Variants in GDI2 observed in about 807,000 individuals in gnomAD.
GDI2 encodes the protein rab GDP dissociation inhibitor beta.
GDI2 carries 22 observed loss-of-function variants against 54.2 expected under a neutral mutation model. The observed-to-expected ratio is 0.41, with a 90% CI of 0.29 to 0.58. GDI2 has a LOEUF of 0.58. Ranked by LOEUF, GDI2 falls within the 20% of genes least tolerant of loss-of-function variation. The probability of loss-of-function intolerance (pLI) is 0.35; values close to 1 mark genes in which losing one functional copy is unlikely to be tolerated. For synonymous variants in GDI2, 177 were observed against 182.1 expected (o/e 0.97, Z 0.23); for missense variants, 422 against 546.0 (o/e 0.77, Z 2.26).
At chr10:5,767,145 G>A (rs1840360581) in intron 8 of GDI2, among the ~76,000 whole-genome samples, 1 of 151,814 alleles carries the variant, frequency 6.6e-6, no homozygotes, top group African/African-American at 2.4e-5. Context: ...AGTTAACTGT[G>A]TCATTTCCAG....
chr10:5,773,959 T>A lies in GDI2; in HGVS notation c.720-18A>T. On this transcript the variant is annotated intron_variant, in intron 6 of 10. Coordinates refer to ENST00000380191, the MANE Select transcript of GDI2 (RefSeq NM_001494.4). ...CACTTAGCCTGGAAAATTTTTAAAA[T>A]CCCAATTAATAATATATAGTTGTTT... is the stretch of plus-strand genomic sequence containing the variant. 9.7e-7 allele frequency: 1 copy of A among 1,027,816 alleles called. No homozygotes were observed. The allele number at this position is 1,027,816 out of a possible 1,614,324, so 63.7% of individuals were successfully genotyped here.
intron 6 of GDI2, among the ~76,000 whole-genome samples, chr10:5,781,144 T>G (rs554930287): frequency 6.7e-6 from 1 of 148,956 alleles, no homozygotes; most frequent in African/African-American, 2.5e-5. Context: ...TTCCAACAAA[T>G]GCAGCTAAAA....
Position 5,794,881 on chromosome 10 carries a change from T to A in GDI2, c.388+4A>T. 1 of 1,589,910 alleles carries A rather than the reference T, an allele frequency of 6.3e-7. No individual in the cohort carries two copies. The highest frequency in any genetic ancestry group is 2.2e-5 in the East Asian group (1 of 44,762). The stretch of plus-strand genomic sequence containing the variant: ...TAGTTACTAGAGAAAATAAAACTAC[T>A]TACTAGATGCCAGGGCTTCTGCTTC... On this transcript the variant is annotated splice_donor_region_variant and intron_variant, in intron 4 of 10. Coordinates refer to ENST00000380191, the MANE Select transcript of GDI2 (RefSeq NM_001494.4).
At position 5,776,671 on chromosome 10, in the gene GDI2, A is replaced by G; in HGVS notation, c.720-2730T>C. On this transcript the variant is annotated intron_variant, in intron 6 of 10. Transcript: ENST00000380191. The surrounding 1 kb of genome is among the most constrained non-coding windows in gnomAD (Gnocchi z 5.3). ...TGGATGTAGATGCTGATTTTGTAGA[A>G]AAGTCAGAGTTATGGAGCTTGCCGC... 6.8e-7 allele frequency: 1 copy of G among 1,471,358 alleles called. No individual in the cohort carries two copies. The highest frequency in any genetic ancestry group is 9.5e-7 in the Non-Finnish European group (1 of 1,056,372). 91.1% of individuals were successfully genotyped at this position (1,471,358 alleles called of 1,614,324 possible). A position where few individuals can be genotyped will look rare whatever the true frequency, so the allele number is the denominator to read the frequency against.
At chr10:5,779,432 C>A (rs141069797) in intron 6 of GDI2, among the ~76,000 whole-genome samples, 1 of 151,236 alleles carries the variant, frequency 6.6e-6, no homozygotes, top group Non-Finnish European at 1.5e-5. Flanking sequence ...CGCTTGAACC[C>A]GGGAGGCAGA....
chr10:5,766,202 G>A lies in GDI2; in HGVS notation c.1191+39C>T. ...TAAGACCATGGAGGGATGTCTTCCAGTGAAACCTGCCCATATCCTTTCACA... is the reference window on the plus strand; with the variant it reads ...TAAGACCATGGAGGGATGTCTTCCAATGAAACCTGCCCATATCCTTTCACA... On this transcript the variant is annotated intron_variant, in intron 10 of 10. Coordinates refer to ENST00000380191, the MANE Select transcript of GDI2 (RefSeq NM_001494.4). This position sits in a 1 kb window ranked among gnomAD's most constrained non-coding sequence, Gnocchi z 5.8. The A allele has an allele frequency of 2.5e-6, 4 of 1,611,144 alleles. No homozygotes were observed. Among genetic ancestry groups the A allele is most frequent in the Non-Finnish European group, 3.4e-6 (4 of 1,177,194 alleles).
intron 6 of GDI2, among the ~76,000 whole-genome samples, chr10:5,783,139 G>C (rs932117171): frequency 9.9e-5 from 15 of 152,206 alleles, no homozygotes; most frequent in African/African-American, 3.4e-4. Context: ...ACTTTATGGG[G>C]TGAGGAAAAT....
chr10:5,786,230 A>G (rs1840873947), intron 4 of GDI2, among the ~76,000 whole-genome samples, 180 bp from the exon 5 acceptor site: 1 of 132,952 alleles, frequency 7.5e-6, no homozygotes, highest in Non-Finnish European at 1.5e-5. Flanking sequence ...GAGTGCAATG[A>G]CGCAATCTCA....
intron 6 of GDI2, among the ~76,000 whole-genome samples, chr10:5,780,144 G>A (rs1196463799): frequency 6.6e-6 from 1 of 151,760 alleles, no homozygotes; most frequent in African/African-American, 2.4e-5. Flanking sequence ...AGGAGGCAGA[G>A]GTTGCAATGA....
chr10:5,796,055 G>A (rs1841140647), intron 3 of GDI2, among the ~76,000 whole-genome samples: 1 of 152,050 alleles, frequency 6.6e-6, no homozygotes, highest in South Asian at 2.1e-4. Flanking sequence ...TCAGAAAAAA[G>A]TACTAATATT....
At chr10:5,775,522 G>A (rs114390156) in intron 6 of GDI2, among the ~76,000 whole-genome samples, 2,090 of 152,226 alleles carry the variant, frequency 0.014, 54 homozygotes, top group African/African-American at 0.047. Context: ...AATTTGGGGC[G>A]GCCAGAGGAG....
chr10:5,776,838 T>C lies in GDI2; in HGVS notation c.720-2897A>G. 1 of 1,329,868 alleles carries C rather than the reference T, an allele frequency of 7.5e-7. No individual in the cohort carries two copies. Among genetic ancestry groups the C allele is most frequent in the Non-Finnish European group, 1.0e-6 (1 of 956,892 alleles). The allele number at this position is 1,329,868 out of a possible 1,614,324, so 82.4% of individuals were successfully genotyped here. On this transcript the variant is annotated intron_variant, in intron 6 of 10. Coordinates refer to ENST00000380191, the MANE Select transcript of GDI2 (RefSeq NM_001494.4). This position sits in a 1 kb window ranked among gnomAD's most constrained non-coding sequence, Gnocchi z 5.3. ...CTTCCCCTTATGGAGCTGAGGATAT[T>C]CTGAAAGGATTTATGAATAATTAAA...
intron 1 of GDI2, among the ~76,000 whole-genome samples, chr10:5,805,576 T>C (rs1466412434): frequency 6.6e-6 from 1 of 152,012 alleles, no homozygotes; most frequent in Non-Finnish European, 1.5e-5. Flanking sequence ...CAACAGGATA[T>C]CACTATGTAG....
At chr10:5,807,394 A>T (rs1014813332) in intron 1 of GDI2, among the ~76,000 whole-genome samples, 1 of 152,224 alleles carries the variant, frequency 6.6e-6, no homozygotes, top group African/African-American at 2.4e-5. Context: ...AAGCTGGTCC[A>T]TCTATCATGT....
intron 1 of GDI2, among the ~76,000 whole-genome samples, chr10:5,806,582 T>A (rs1357908458): frequency 2.0e-5 from 3 of 152,182 alleles, no homozygotes; most frequent in African/African-American, 7.2e-5. Context: ...ACTGCAATTA[T>A]CTTCTTCCAT....
intron 4 of GDI2, among the ~76,000 whole-genome samples, chr10:5,791,328 G>A (rs1841007359): frequency 6.6e-6 from 1 of 152,048 alleles, no homozygotes; most frequent in African/African-American, 2.4e-5. Context: ...AATGTTCTGG[G>A]GCCGGGCACA....
Position 5,776,819 on chromosome 10 carries a change from C to G in GDI2, c.720-2878G>C. 1 of 1,448,074 alleles carries G rather than the reference C, an allele frequency of 6.9e-7. No individual in the cohort carries two copies. Among genetic ancestry groups the G allele is most frequent in the East Asian group, 2.3e-5 (1 of 43,968 alleles). The allele number at this position is 1,448,074 out of a possible 1,614,324, so 89.7% of individuals were successfully genotyped here. A position where few individuals can be genotyped will look rare whatever the true frequency, so the allele number is the denominator to read the frequency against. On this transcript the variant is annotated intron_variant, in intron 6 of 10. Coordinates refer to ENST00000380191, the MANE Select transcript of GDI2 (RefSeq NM_001494.4). This position sits in a 1 kb window ranked among gnomAD's most constrained non-coding sequence, Gnocchi z 5.3. ...GGATTTTCCATCTCCAGAACTTCCC[C>G]TTATGGAGCTGAGGATATTCTGAAA...
chr10:5,771,193 C>T (rs912081489), intron 7 of GDI2, among the ~76,000 whole-genome samples: 3 of 152,028 alleles, frequency 2.0e-5, no homozygotes, highest in African/African-American at 7.2e-5. Context: ...CCAATTATCC[C>T]TACTATTTTC....
intron 7 of GDI2, among the ~76,000 whole-genome samples, chr10:5,773,517 AC>A (rs1840546215): frequency 6.6e-6 from 1 of 152,082 alleles, no homozygotes; most frequent in Non-Finnish European, 1.5e-5. Flanking sequence ...TCAAAACCCC[AC>A]CCGTGTAGGT....
Sources: gnomAD v4.1 joint callset for allele counts (sites outside exome capture counted in the v4.1 genomes callset) on GRCh38, gnomAD v4.1.1 for gene constraint, Gnocchi (gnomAD v3.1) non-coding constraint, MANE v1.5 for transcripts, NCBI Gene and HGNC (gene_info 2026-07-23, HGNC 2026-07-21) for gene names.